The following USP49 variants were observed in gnomAD, a reference collection of about 807,000 sequenced individuals.
USP49 encodes ubiquitin carboxyl-terminal hydrolase 49.
In USP49, 24 loss-of-function variants were observed where a neutral mutation model predicts 58.6. That is an observed-to-expected ratio of 0.41 (90% CI 0.30 to 0.58). The LOEUF is 0.58. USP49 is among the 20% of genes least tolerant of loss of function. The probability of loss-of-function intolerance (pLI) is 0.30; values close to 1 mark genes in which losing one functional copy is unlikely to be tolerated. For synonymous variants in USP49, 408 were observed against 365.1 expected (o/e 1.12, Z -1.34); for missense variants, 703 against 866.1 (o/e 0.81, Z 2.36).
At chr6:41,851,638 A>T (rs1227108803) in intron 3 of USP49, among the ~76,000 whole-genome samples, 1 of 152,190 alleles carries the variant, frequency 6.6e-6, no homozygotes, top group Non-Finnish European at 1.5e-5. Context: ...TAGTCAGTGC[A>T]ATTAGGCAAA....
intron 2 of USP49, among the ~76,000 whole-genome samples, chr6:41,882,752 TA>T (rs1774634498): frequency 6.6e-6 from 1 of 152,028 alleles, no homozygotes; most frequent in Non-Finnish European, 1.5e-5. Context: ...TCGTCTCTAC[TA>T]AAAATACAAA....
chr6:41,840,926 G>C (rs1216817110), intron 3 of USP49, among the ~76,000 whole-genome samples: 1 of 151,826 alleles, frequency 6.6e-6, no homozygotes, highest in African/African-American at 2.4e-5. Context: ...GACTGTTTGA[G>C]CCAAGGAGGT....
chr6:41,812,354 C>A (rs937524978), intron 3 of USP49, among the ~76,000 whole-genome samples: 2 of 150,164 alleles, frequency 1.3e-5, no homozygotes, highest in African/African-American at 4.9e-5. Flanking sequence ...GCTGGGATTA[C>A]AGGCATGAGC....
At chr6:41,838,074 C>CT (rs1232618035) in intron 3 of USP49, among the ~76,000 whole-genome samples, 1 of 152,178 alleles carries the variant, frequency 6.6e-6, no homozygotes, top group Non-Finnish European at 1.5e-5. Flanking sequence ...AACAGAACTA[C>CT]TATTTAACCC....
At chr6:41,850,303 C>T (rs541237145) in intron 3 of USP49, among the ~76,000 whole-genome samples, 1 of 151,686 alleles carries the variant, frequency 6.6e-6, no homozygotes, top group South Asian at 2.1e-4. Flanking sequence ...ATTAGCCAGA[C>T]AAGGTGGCAC....
chr6:41,856,662 C>A (rs927595631), intron 3 of USP49, among the ~76,000 whole-genome samples: 1 of 152,114 alleles, frequency 6.6e-6, no homozygotes, highest in African/African-American at 2.4e-5. Context: ...ATGCCAGGTG[C>A]AAACTGTGCC....
intron 3 of USP49, among the ~76,000 whole-genome samples, chr6:41,836,870 C>T (rs191173684): frequency 1.9e-4 from 29 of 151,982 alleles, no homozygotes; most frequent in Non-Finnish European, 3.4e-4. Context: ...CACACACACA[C>T]ACACACAAAC....
intron 5 of USP49, among the ~76,000 whole-genome samples, chr6:41,802,236 G>A (rs946156922): frequency 7.3e-5 from 11 of 151,450 alleles, no homozygotes; most frequent in Non-Finnish European, 1.5e-4. Flanking sequence ...CCACCAGGCT[G>A]GTCTCAAACT....
intron 7 of USP49, 38 bp from the exon 8 acceptor site, chr6:41,796,761 C>T (rs998162409): frequency 5.6e-6 from 4 of 708,478 alleles, no homozygotes; most frequent in South Asian, 3.0e-5. Flanking sequence ...AAAATGACTA[C>T]CCAATTCATA....
intron 3 of USP49, among the ~76,000 whole-genome samples, chr6:41,856,739 G>A (rs555308587): frequency 6.6e-6 from 1 of 152,128 alleles, no homozygotes; most frequent in African/African-American, 2.4e-5. Flanking sequence ...CCTGTGGTCC[G>A]AAAATACATA....
Position 41,806,398 on chromosome 6 carries a change from G to GC in USP49, c.585dup (p.Leu196AlafsTer90), listed in dbSNP as rs1561904308. On this transcript the variant is annotated frameshift_variant, in exon 4 of 8. Coordinates refer to ENST00000682992, the MANE Select transcript of USP49 (RefSeq NM_001286554.2). LOFTEE classifies it high-confidence loss of function. This position sits in a 1 kb window ranked among gnomAD's most constrained non-coding sequence, Gnocchi z 5.9. ...GGGGTGCTGGCCAGCTCCTCCAGCA[G>GC]CCGCCGTTTCACCTCGCGCCGCCGC... is the stretch of plus-strand genomic sequence containing the variant. 1 of 1,557,954 alleles carries GC rather than the reference G, an allele frequency of 6.4e-7. No homozygotes were observed. The highest frequency in any genetic ancestry group is 2.2e-5 in the East Asian group (1 of 44,514).
intron 3 of USP49, among the ~76,000 whole-genome samples, chr6:41,826,776 A>G (rs1773545374): frequency 1.3e-5 from 2 of 152,152 alleles, no homozygotes; most frequent in Non-Finnish European, 2.9e-5. Flanking sequence ...TCACAGAGCC[A>G]AAGAGAATAT....
intron 2 of USP49, among the ~76,000 whole-genome samples, chr6:41,872,694 C>G (rs927188531): frequency 2.0e-5 from 3 of 149,364 alleles, no homozygotes; most frequent in African/African-American, 7.4e-5. Context: ...GTCAGGAGAT[C>G]GAGACAATCC....
intron 3 of USP49, among the ~76,000 whole-genome samples, chr6:41,849,142 C>G (rs1260751575): frequency 6.6e-6 from 1 of 151,942 alleles, no homozygotes; most frequent in African/African-American, 2.4e-5. Flanking sequence ...CAAATGGTAA[C>G]CAGAAGAGAG....
chr6:41,814,437 T>TA (rs1773314006), intron 3 of USP49, among the ~76,000 whole-genome samples: 1 of 152,190 alleles, frequency 6.6e-6, no homozygotes, highest in Non-Finnish European at 1.5e-5. Context: ...TATAATTTTT[T>TA]AAAAAACTCT....
intron 3 of USP49, among the ~76,000 whole-genome samples, chr6:41,812,950 G>T (rs1439972804): frequency 1.3e-5 from 2 of 151,996 alleles, no homozygotes. Context: ...TACAGATAGA[G>T]AATTCATTAT....
chr6:41,832,711 A>G (rs1349668060), intron 3 of USP49: 1 of 152,182 alleles, frequency 6.6e-6, no homozygotes, highest in Non-Finnish European at 1.5e-5. Flanking sequence ...TTTTCTGAGC[A>G]CTCGCCTACA....
Position 41,882,560 on chromosome 6 carries a change from C to T in USP49, c.-103+9234G>A, listed in dbSNP as rs78109455. 1.4e-4 allele frequency among the ~76,000 whole-genome samples: 22 copies of T among 152,144 alleles called. 1 individual carries two copies. In the East Asian group the frequency reaches 4.2e-3, roughly 29 times the overall value. ...CTAAGTCCAAGAAGCAGTAATAAGG[C>T]AAATACAGTAGGCTAAAAAATGATG... is the stretch of plus-strand genomic sequence containing the variant. On this transcript the variant is annotated intron_variant, in intron 2 of 7. Coordinates refer to ENST00000682992, the MANE Select transcript of USP49 (RefSeq NM_001286554.2).
intron 3 of USP49, among the ~76,000 whole-genome samples, chr6:41,851,945 C>G (rs528351041): frequency 4.2e-5 from 4 of 95,238 alleles, no homozygotes; most frequent in African/African-American, 1.9e-4. Context: ...CAGAGCGAGA[C>G]TCGTCTCAAA....
Sources: allele counts gnomAD v4.1 joint callset (sites outside exome capture counted in the v4.1 genomes callset), GRCh38; gene constraint gnomAD v4.1.1; non-coding constraint Gnocchi (gnomAD v3.1); transcripts MANE v1.5; gene names NCBI Gene and HGNC (gene_info 2026-07-23, HGNC 2026-07-21).